The following ZNF560 variants were observed in gnomAD, a reference collection of about 807,000 sequenced individuals.
ZNF560 encodes zinc finger protein 560.
A neutral mutation model predicts 81.8 loss-of-function variants in ZNF560; 54 were observed. The observed-to-expected ratio is 0.66, with a 90% CI of 0.53 to 0.83. ZNF560 has a LOEUF of 0.83. Ranked by LOEUF, ZNF560 falls within the 40% of genes least tolerant of loss-of-function variation. The probability of loss-of-function intolerance (pLI) is 0.00; values close to 1 mark genes in which losing one functional copy is unlikely to be tolerated. For missense variants in ZNF560, 940 were observed against 932.4 expected (o/e 1.01, Z -0.11); for synonymous variants, 321 against 317.9 (o/e 1.01, Z -0.10).
intron 5 of ZNF560, among the ~76,000 whole-genome samples, chr19:9,472,440 T>A (rs946937706): frequency 5.3e-5 from 8 of 152,192 alleles, no homozygotes; most frequent in African/African-American, 1.9e-4. Flanking sequence ...TCCATCCTAA[T>A]TGCCTCCTGA....
rs555019349 is a variant in ZNF560 at position 9,468,009 on chromosome 19, G to A, written c.938C>T (p.Thr313Ile). Residue 313 changes from threonine to isoleucine, a missense_variant, in exon 10 of 10, where the codon ACT (threonine) becomes ATT (isoleucine). Thr to Ile is a moderately conservative substitution (Grantham distance 89, BLOSUM62 -1). Transcript: ENST00000301480. Reference sequence around the variant, plus strand: ...TTCATTGAGTTTTTCTCCACTCTGAGTTTTCCTGTGTGCTTCAAGGTATGA... The same window carrying A: ...TTCATTGAGTTTTTCTCCACTCTGAATTTTCCTGTGTGCTTCAAGGTATGA... Reference protein sequence around the residue: ...YQSYLEAHRKTQSGEKLNEWK... With the variant: ...YQSYLEAHRKIQSGEKLNEWK... 3 of 1,614,076 alleles carry A rather than the reference G, an allele frequency of 1.9e-6. No homozygotes were observed. Among genetic ancestry groups the A allele is most frequent in the East Asian group, 4.5e-5 (2 of 44,876 alleles).
At chr19:9,447,148 A>AAC in the ZNF560 span, among the ~76,000 whole-genome samples, 1 of 151,876 alleles carries the variant, frequency 6.6e-6, no homozygotes, top group Non-Finnish European at 1.5e-5. Context: ...AAAAAAAAAA[A>AAC]AAAAATAGAC....
At chr19:9,448,520 C>T in the ZNF560 span, among the ~76,000 whole-genome samples, 2 of 150,678 alleles carry the variant, frequency 1.3e-5, no homozygotes, top group East Asian at 2.0e-4. Context: ...CAAGCATGAG[C>T]CACCTCACTT....
At chr19:9,488,764 A>G (rs1471868111) in intron 2 of ZNF560, among the ~76,000 whole-genome samples, 2 of 152,184 alleles carry the variant, frequency 1.3e-5, no homozygotes, top group Non-Finnish European at 2.9e-5. Flanking sequence ...TATGGTTTGG[A>G]TCTGTGTCCC....
the ZNF560 span, among the ~76,000 whole-genome samples, chr19:9,450,441 A>G: frequency 6.6e-6 from 1 of 152,236 alleles, no homozygotes; most frequent in Non-Finnish European, 1.5e-5. Flanking sequence ...TGTACATAGA[A>G]AACTCTATAA....
the ZNF560 span, among the ~76,000 whole-genome samples, chr19:9,504,055 T>G: frequency 1.3e-5 from 2 of 152,222 alleles, no homozygotes; most frequent in African/African-American, 4.8e-5. Flanking sequence ...TTTATGTATT[T>G]TAATGTTTTT....
At chr19:9,450,327 C>G in the ZNF560 span, among the ~76,000 whole-genome samples, 9 of 151,746 alleles carry the variant, frequency 5.9e-5, no homozygotes, top group Non-Finnish European at 1.3e-4. Flanking sequence ...GATGCGCACT[C>G]TAACCACTGC....
chr19:9,462,429 A>G (rs1198066396), downstream of ZNF560, among the ~76,000 whole-genome samples: 3 of 152,174 alleles, frequency 2.0e-5, no homozygotes, highest in Non-Finnish European at 2.9e-5. Context: ...AACTACAGAA[A>G]CGATGTTTAT....
intron 2 of ZNF560, among the ~76,000 whole-genome samples, chr19:9,497,862 A>G (rs2073587488): frequency 6.6e-6 from 1 of 152,216 alleles, no homozygotes; most frequent in Non-Finnish European, 1.5e-5. Flanking sequence ...AGACGTACAG[A>G]GCTAGGAACT....
At chr19:9,506,375 G>A in the ZNF560 span, among the ~76,000 whole-genome samples, 83 of 149,598 alleles carry the variant, frequency 5.5e-4, no homozygotes, top group African/African-American at 1.9e-3. Context: ...AACTTCAATA[G>A]CATACAAAAA....
chr19:9,488,730 A>C (rs2062569730), intron 2 of ZNF560, among the ~76,000 whole-genome samples: 1 of 152,194 alleles, frequency 6.6e-6, no homozygotes, highest in South Asian at 2.1e-4. Context: ...AGATAGGCCC[A>C]AATTCATTGA....
At chr19:9,495,785 C>T (rs10854157) in intron 2 of ZNF560, among the ~76,000 whole-genome samples, 62,184 of 152,080 alleles carry the variant, frequency 0.41, 15,164 homozygotes, top group Non-Finnish European at 0.55. Context: ...TATTCTTATT[C>T]AGGATGAAAC....
the ZNF560 span, among the ~76,000 whole-genome samples, chr19:9,452,587 C>T: frequency 1.3e-5 from 2 of 152,178 alleles, no homozygotes; most frequent in Non-Finnish European, 2.9e-5. Context: ...AGAACAAGAT[C>T]ATATCCACTG....
upstream of ZNF560, among the ~76,000 whole-genome samples, chr19:9,499,230 G>A (rs1179398351): frequency 6.6e-6 from 1 of 151,834 alleles, no homozygotes; most frequent in Non-Finnish European, 1.5e-5. Flanking sequence ...CTGGAATGCA[G>A]TGGTAGGAAC....
chr19:9,491,798 C>T (rs2073477909), intron 2 of ZNF560, among the ~76,000 whole-genome samples: 1 of 145,210 alleles, frequency 6.9e-6, no homozygotes, highest in Non-Finnish European at 1.5e-5. Context: ...TGCACTCCAG[C>T]CTGGGCGACA....
At chr19:9,482,284 G>A (rs1439314156) in intron 2 of ZNF560, among the ~76,000 whole-genome samples, 1 of 151,736 alleles carries the variant, frequency 6.6e-6, no homozygotes, top group Non-Finnish European at 1.5e-5. Flanking sequence ...TGGGGTGGGG[G>A]TATGGGGGAG....
intron 2 of ZNF560, among the ~76,000 whole-genome samples, chr19:9,489,746 C>T (rs1489633714): frequency 1.3e-5 from 2 of 152,164 alleles, no homozygotes; most frequent in African/African-American, 2.4e-5. Flanking sequence ...GCTGCCACCA[C>T]GCCCAGCTAA....
chr19:9,468,725 C>CTTTTT (rs3068756), intron 9 of ZNF560, among the ~76,000 whole-genome samples: 15 of 122,972 alleles, frequency 1.2e-4, no homozygotes, highest in Non-Finnish European at 1.7e-4. Context: ...CTGCTGATTT[C>CTTTTT]TTTTTTTTTT....
rs2073167169 is a variant in ZNF560 at position 9,474,327 on chromosome 19, T to C, written c.31-2A>G. ...TGTATCCTCAAAGGTCACGGAGTAC[T>C]AAACCATCACATACATGTTGATTTG... On this transcript the variant is annotated splice_acceptor_variant, in intron 3 of 9. Transcript: ENST00000301480. LOFTEE classifies it high-confidence loss of function. 21 of 1,609,928 alleles carry C rather than the reference T, an allele frequency of 1.3e-5. No homozygotes were observed. Among genetic ancestry groups the C allele is most frequent in the Non-Finnish European group, 1.8e-5 (21 of 1,177,760 alleles).
Sources: gnomAD v4.1 joint callset for allele counts (sites outside exome capture counted in the v4.1 genomes callset) on GRCh38, gnomAD v4.1.1 for gene constraint, MANE v1.5 for transcripts, NCBI Gene and HGNC (gene_info 2026-07-23, HGNC 2026-07-21) for gene names.